Variants in PDE4B observed in about 807,000 individuals in gnomAD.
PDE4B encodes phosphodiesterase 4B, also known as 3',5'-cyclic-AMP phosphodiesterase 4B.
A neutral mutation model predicts 82.2 loss-of-function variants in PDE4B; 20 were observed. That is an observed-to-expected ratio of 0.24 (90% CI 0.17 to 0.35). The LOEUF (loss-of-function observed/expected upper bound fraction) is 0.35. Among genes scored for constraint, PDE4B ranks in the 10% least tolerant of loss-of-function variants. PDE4B has a pLI of 1.00. For synonymous variants in PDE4B, 320 were observed against 318.9 expected (o/e 1.00, Z -0.04); for missense variants, 655 against 907.2 (o/e 0.72, Z 3.57).
At chr1:65,909,130 A>T (rs1312110878) in intron 1 of PDE4B, among the ~76,000 whole-genome samples, 1 of 152,188 alleles carries the variant, frequency 6.6e-6, no homozygotes, top group African/African-American at 2.4e-5. Flanking sequence ...TTATTGGAGA[A>T]AAATGAAGAC....
chr1:66,088,642 A>C (rs4655816), intron 3 of PDE4B, among the ~76,000 whole-genome samples: 8,151 of 152,068 alleles, frequency 0.054, 545 homozygotes, highest in East Asian at 0.31. Flanking sequence ...CTGTTAATTT[A>C]TCTTTTTTCA....
chr1:66,118,889 C>G (rs1456551953), intron 3 of PDE4B, among the ~76,000 whole-genome samples: 1 of 151,778 alleles, frequency 6.6e-6, no homozygotes, highest in African/African-American at 2.4e-5. Context: ...ATTCCTAAAC[C>G]TTTTTTTTCA....
intron 8 of PDE4B, among the ~76,000 whole-genome samples, chr1:66,346,411 A>C: frequency 6.6e-6 from 1 of 152,250 alleles, no homozygotes; most frequent in East Asian, 1.9e-4. Flanking sequence ...ATGAATGGAT[A>C]GTTACCAACA....
intron 1 of PDE4B, among the ~76,000 whole-genome samples, chr1:65,863,672 A>G (rs529334337): frequency 3.3e-5 from 5 of 152,322 alleles, no homozygotes; most frequent in Middle Eastern, 6.8e-3. Context: ...AACTTGTTTT[A>G]TGAATCTGGG....
intron 1 of PDE4B, among the ~76,000 whole-genome samples, chr1:65,836,619 T>C (rs1280331908): frequency 6.6e-6 from 1 of 152,220 alleles, no homozygotes; most frequent in East Asian, 1.9e-4. Flanking sequence ...CTGACAGCTT[T>C]TTTTTTCCAA....
intron 3 of PDE4B, among the ~76,000 whole-genome samples, chr1:65,923,232 A>G (rs1186542139): frequency 6.6e-6 from 1 of 152,222 alleles, no homozygotes; most frequent in Non-Finnish European, 1.5e-5. Context: ...TATTCGTATA[A>G]TACCAGGTCT....
Position 66,257,693 on chromosome 1 carries a change from A to T in PDE4B, c.513+10A>T, listed in dbSNP as rs1011318321. ...AACTCCTTTTGCCCAGGTATGTATTATGCTGGCCCTGGCTTGCTTTCACTG... is the reference window on the plus strand; with the variant it reads ...AACTCCTTTTGCCCAGGTATGTATTTTGCTGGCCCTGGCTTGCTTTCACTG... On this transcript the variant is annotated intron_variant, in intron 5 of 16. Coordinates refer to ENST00000341517, the MANE Select transcript of PDE4B (RefSeq NM_002600.4). 1.2e-6 allele frequency: 2 copies of T among 1,613,034 alleles called. No individual in the cohort carries two copies. The highest frequency in any genetic ancestry group is 2.7e-5 in the African/African-American group (2 of 74,878).
chr1:66,082,832 A>G (rs186907800), intron 3 of PDE4B, among the ~76,000 whole-genome samples: 4 of 152,114 alleles, frequency 2.6e-5, no homozygotes, highest in East Asian at 1.9e-4. Flanking sequence ...TTGAAATACT[A>G]TGCTAGGCAT....
At chr1:66,330,243 G>A (rs1660010207) in intron 7 of PDE4B, among the ~76,000 whole-genome samples, 1 of 152,184 alleles carries the variant, frequency 6.6e-6, no homozygotes, top group African/African-American at 2.4e-5. Context: ...GAGGACAATG[G>A]AGCAAGGTCT....
At chr1:65,988,050 C>A (rs1277996433) in intron 3 of PDE4B, among the ~76,000 whole-genome samples, 1 of 152,198 alleles carries the variant, frequency 6.6e-6, no homozygotes, top group Admixed American at 6.5e-5. Flanking sequence ...TTGAACAAGA[C>A]TCAGCCCAGC....
chr1:66,108,701 G>A (rs1645423621), intron 3 of PDE4B, among the ~76,000 whole-genome samples: 1 of 151,716 alleles, frequency 6.6e-6, no homozygotes, highest in African/African-American at 2.4e-5. Context: ...TAATCATCAG[G>A]GAAAGGCACG....
At chr1:66,070,825 A>G (rs1055903574) in intron 3 of PDE4B, among the ~76,000 whole-genome samples, 3 of 152,076 alleles carry the variant, frequency 2.0e-5, no homozygotes, top group African/African-American at 4.8e-5. Context: ...AAATATTCAT[A>G]AAGATTTGTT....
chr1:65,961,116 A>G (rs1477166737), intron 3 of PDE4B, among the ~76,000 whole-genome samples: 1 of 152,178 alleles, frequency 6.6e-6, no homozygotes, highest in Non-Finnish European at 1.5e-5. Flanking sequence ...TGGATCACAC[A>G]TAGGTAGGAT....
chr1:66,330,507 A>G (rs1466344585), intron 7 of PDE4B, among the ~76,000 whole-genome samples: 11 of 152,208 alleles, frequency 7.2e-5, no homozygotes, highest in East Asian at 1.9e-4. Context: ...TTTGCATATC[A>G]GTGGATTCAA....
At chr1:66,219,369 A>G (rs778487536) in intron 3 of PDE4B, among the ~76,000 whole-genome samples, 35 of 152,324 alleles carry the variant, frequency 2.3e-4, no homozygotes, top group South Asian at 1.7e-3. Context: ...ACTTATTAGT[A>G]AATCATCACA....
chr1:66,360,188 C>T (rs1662640355), intron 9 of PDE4B, among the ~76,000 whole-genome samples: 1 of 152,110 alleles, frequency 6.6e-6, no homozygotes, highest in Non-Finnish European at 1.5e-5. Flanking sequence ...ATTGAGATGA[C>T]CACTAAAATT....
intron 1 of PDE4B, among the ~76,000 whole-genome samples, chr1:65,878,053 C>T (rs1347249396): frequency 1.3e-5 from 2 of 151,460 alleles, no homozygotes; most frequent in East Asian, 3.9e-4. Flanking sequence ...AAAAAAACAA[C>T]CTATCAAAAA....
At position 66,159,455 on chromosome 1, in the gene PDE4B, C is replaced by G. The variant is rs79384896; in HGVS notation, c.282-88005C>G. Among the ~76,000 whole-genome samples the G allele has an allele frequency of 2.5e-3, 383 of 151,450 alleles. 12 individuals carry two copies. In the East Asian group the frequency reaches 0.064, roughly 25 times the overall value. On this transcript the variant is annotated intron_variant, in intron 3 of 16. Coordinates refer to ENST00000341517, the MANE Select transcript of PDE4B (RefSeq NM_002600.4). Reference sequence around the variant, plus strand: ...TACAGAAGGGGTTTCACCATGTTGGCCAGGCTAGTCTCAAACTCCTGACCT... The same window carrying G: ...TACAGAAGGGGTTTCACCATGTTGGGCAGGCTAGTCTCAAACTCCTGACCT...
intron 3 of PDE4B, among the ~76,000 whole-genome samples, chr1:66,195,189 A>C (rs1172515612): frequency 6.6e-6 from 1 of 152,166 alleles, no homozygotes; most frequent in Non-Finnish European, 1.5e-5. Context: ...AGATGTGACC[A>C]AGGTGACCTC....
Sources: allele counts gnomAD v4.1 joint callset (sites outside exome capture counted in the v4.1 genomes callset), GRCh38; gene constraint gnomAD v4.1.1; transcripts MANE v1.5; gene names NCBI Gene and HGNC (gene_info 2026-07-23, HGNC 2026-07-21).